The following RAPGEFL1 variants were observed in gnomAD, a reference collection of about 807,000 sequenced individuals.
The protein encoded by RAPGEFL1 is rap guanine nucleotide exchange factor-like 1.
In RAPGEFL1, 31 loss-of-function variants were observed where a neutral mutation model predicts 64.4. That is an observed-to-expected ratio of 0.48 (90% CI 0.36 to 0.65). The LOEUF is 0.65. Among genes scored for constraint, RAPGEFL1 ranks in the 30% least tolerant of loss-of-function variants. The pLI is 0.00. For missense variants in RAPGEFL1, 682 were observed against 677.4 expected, an observed-to-expected ratio of 1.01 and a Z score of -0.08; for synonymous variants, 331 against 274.1, an observed-to-expected ratio of 1.21 and a Z score of -2.05.
At chr17:40,192,345 T>A (rs1990304980) in intron 11 of RAPGEFL1, 82 bp downstream of exon 11, 4 of 1,476,566 alleles carry the variant, frequency 2.7e-6, no homozygotes, top group Non-Finnish European at 3.8e-6. Flanking sequence ...TTCCTCAAGC[T>A]TTCCTTTCAA....
In RAPGEFL1 at chr17:40,191,165, G is replaced by A; in HGVS notation, c.1336-151G>A. 1.4e-6 allele frequency: 1 copy of A among 699,842 alleles called. No homozygotes were observed. Among genetic ancestry groups the A allele is most frequent in the Non-Finnish European group, 2.3e-6 (1 of 438,346 alleles). The allele number at this position is 699,842 out of a possible 1,614,324, so 43.4% of individuals were successfully genotyped here. A position where few individuals can be genotyped will look rare whatever the true frequency, so the allele number is the denominator to read the frequency against. On this transcript the variant is annotated intron_variant, in intron 8 of 14. Transcript: ENST00000620260. This position sits in a 1 kb window ranked among gnomAD's most constrained non-coding sequence, Gnocchi z 5.1. ...GGTTGTTTTCTTTTTCCGCATCTTT[G>A]CCGCCTCCTGTCCTTTCTATTTTTC... is the stretch of plus-strand genomic sequence containing the variant.
chr17:40,184,908 T>C (rs1990016089), intron 4 of RAPGEFL1, among the ~76,000 whole-genome samples: 1 of 152,050 alleles, frequency 6.6e-6, no homozygotes, highest in Non-Finnish European at 1.5e-5. Context: ...GCCTCCTGAG[T>C]AGCTGGGATT....
chr17:40,186,965 A>G (rs577392575), intron 4 of RAPGEFL1, among the ~76,000 whole-genome samples: 1 of 151,444 alleles, frequency 6.6e-6, no homozygotes, highest in Non-Finnish European at 1.5e-5. Context: ...TTGATTATAA[A>G]TTTTATGTAT....
At chr17:40,188,701 T>C (rs1020714742) in intron 4 of RAPGEFL1, 165 bp from the exon 5 acceptor site, 1 of 628,300 alleles carries the variant, frequency 1.6e-6, no homozygotes, top group African/African-American at 1.8e-5. Flanking sequence ...TGGATAATTA[T>C]CCCATACTGC....
chr17:40,178,627 A>C lies in RAPGEFL1; in HGVS notation c.520+246A>C, dbSNP rs565292642. On this transcript the variant is annotated intron_variant, in intron 1 of 14. Transcript: ENST00000620260. Reference sequence around the variant, plus strand: ...GCAGCTGAGCCTCTTACTCTCCTTCAGCCACCCTTCCTTTCCCCTGGGCAT... The same window carrying C: ...GCAGCTGAGCCTCTTACTCTCCTTCCGCCACCCTTCCTTTCCCCTGGGCAT... 3.3e-5 allele frequency among the ~76,000 whole-genome samples: 5 copies of C among 152,312 alleles called. No homozygotes were observed. In the South Asian group the frequency reaches 1.0e-3, roughly 32 times the overall value.
chr17:40,184,700 G>T, intron 4 of RAPGEFL1, 22 bp downstream of exon 4: 2 of 1,455,762 alleles, frequency 1.4e-6, no homozygotes, highest in South Asian at 1.2e-5. Context: ...TGGGGCAGGG[G>T]CGGGAACAGG....
At position 40,178,203 on chromosome 17, in the gene RAPGEFL1, C is replaced by A; in HGVS notation, c.342C>A (p.Leu114=). The change falls in exon 1 of 15, where the codon CTC becomes CTA. Residue 114 remains leucine, a synonymous_variant. Coordinates refer to ENST00000620260, the MANE Select transcript of RAPGEFL1 (RefSeq NM_016339.6). ...AGGAGGTGCCGGGGCCCGGGCCTCT[C>A]GGGGGAGGGGGGCCCCTGCGCTCCC... is the stretch of plus-strand genomic sequence containing the variant. The part of the protein sequence containing the change: ...QLEEVPGPGP[L]GGGGPLRSPS... The A allele has an allele frequency of 3.7e-6, 2 of 545,914 alleles. No homozygotes were observed. The highest frequency in any genetic ancestry group is 2.1e-5 in the South Asian group (1 of 48,038). The allele number at this position is 545,914 out of a possible 1,614,324, so 33.8% of individuals were successfully genotyped here.
intron 2 of RAPGEFL1, among the ~76,000 whole-genome samples, chr17:40,183,283 T>G (rs1394876197): frequency 1.3e-5 from 2 of 152,190 alleles, no homozygotes; most frequent in Non-Finnish European, 2.9e-5. Context: ...GGCCCTGGGC[T>G]GGTCAGAGGT....
chr17:40,178,511 T>C (rs947603822), intron 1 of RAPGEFL1, 130 bp downstream of exon 1: 2 of 415,606 alleles, frequency 4.8e-6, no homozygotes, highest in African/African-American at 4.1e-5. Context: ...GGAAGCCGGC[T>C]AGGGGCCTAG....
chr17:40,188,730 A>AC, intron 4 of RAPGEFL1, 136 bp from the exon 5 acceptor site: 2 of 684,634 alleles, frequency 2.9e-6, no homozygotes, highest in Non-Finnish European at 5.3e-6. Flanking sequence ...CTCTCTTCTG[A>AC]CCCCCTTAAC....
rs544873836 is a variant in RAPGEFL1 at position 40,191,746 on chromosome 17, G to A, written c.1605+74G>A. The A allele has an allele frequency of 2.9e-5, 42 of 1,448,154 alleles. No individual in the cohort carries two copies. Among genetic ancestry groups the A allele is most frequent in the Admixed American group, 3.9e-5 (2 of 50,994 alleles). The allele number at this position is 1,448,154 out of a possible 1,614,324, so 89.7% of individuals were successfully genotyped here. ...TCCCCGAAGTGCGTCCTCCCGGGAC[G>A]GCCGCCGGCCTGGAGGGAGTCTTTG... On this transcript the variant is annotated intron_variant, in intron 10 of 14. Transcript: ENST00000620260. The surrounding 1 kb of genome is among the most constrained non-coding windows in gnomAD (Gnocchi z 5.1).
chr17:40,187,679 C>T (rs1249775244), intron 4 of RAPGEFL1, among the ~76,000 whole-genome samples: 8 of 151,100 alleles, frequency 5.3e-5, no homozygotes, highest in South Asian at 2.1e-4. Flanking sequence ...GGTGTGATCT[C>T]GGCTCACTGC....
In RAPGEFL1 at chr17:40,177,495, C is replaced by T. The variant is rs1989744434; in HGVS notation, c.-367C>T. 5 of 606,592 alleles carry T rather than the reference C, an allele frequency of 8.2e-6. No individual in the cohort carries two copies. The highest frequency in any genetic ancestry group is 2.8e-5 in the Admixed American group (1 of 35,726). 37.6% of individuals were successfully genotyped at this position (606,592 alleles called of 1,614,324 possible). A position where few individuals can be genotyped will look rare whatever the true frequency, so the allele number is the denominator to read the frequency against. On this transcript the variant is annotated 5_prime_UTR_variant, in exon 1 of 15. Coordinates refer to ENST00000620260, the MANE Select transcript of RAPGEFL1 (RefSeq NM_016339.6). ...CCTTCCCCCTCTTCACGGCCAGGAG[C>T]GCAGCCGCCGCCGCCGCCGCCGCCG...
intron 4 of RAPGEFL1, among the ~76,000 whole-genome samples, chr17:40,187,573 C>T (rs1410145665): frequency 3.9e-5 from 6 of 152,008 alleles, no homozygotes; most frequent in Non-Finnish European, 7.4e-5. Context: ...TTCCCATGGT[C>T]GGTTATATTG....
intron 2 of RAPGEFL1, among the ~76,000 whole-genome samples, chr17:40,182,791 C>T (rs1989932741): frequency 6.6e-6 from 1 of 152,174 alleles, no homozygotes; most frequent in Non-Finnish European, 1.5e-5. Context: ...CTCATGTAAG[C>T]ATGGGCCTCT....
chr17:40,194,942 C>T lies in RAPGEFL1; in HGVS notation c.*1154C>T, dbSNP rs1237464236. On this transcript the variant is annotated 3_prime_UTR_variant, in exon 15 of 15. Transcript: ENST00000620260. ...TGGCAAGGCCTTTATTACCTTTACT[C>T]CCCTCCCTCTCCCATCACCAGCCTC... 2 of 152,638 alleles carry T rather than the reference C, an allele frequency of 1.3e-5. No individual in the cohort carries two copies. Among genetic ancestry groups the T allele is most frequent in the Non-Finnish European group, 2.9e-5 (2 of 68,050 alleles). 9.5% of individuals were successfully genotyped at this position (152,638 alleles called of 1,614,324 possible).
At chr17:40,181,451 C>A in intron 1 of RAPGEFL1, 165 bp from the exon 2 acceptor site, 2 of 630,364 alleles carry the variant, frequency 3.2e-6, no homozygotes, top group East Asian at 3.1e-5. Flanking sequence ...AGAACCTTTA[C>A]ACATGTATGT....
At position 40,194,348 on chromosome 17, in the gene RAPGEFL1, G is replaced by A. The variant is rs564406713; in HGVS notation, c.*560G>A. 10 of 158,704 alleles carry A rather than the reference G, an allele frequency of 6.3e-5. No individual in the cohort carries two copies. In the South Asian group the frequency reaches 1.3e-3, roughly 21 times the overall value. 9.8% of individuals were successfully genotyped at this position (158,704 alleles called of 1,614,324 possible). On this transcript the variant is annotated 3_prime_UTR_variant, in exon 15 of 15. Transcript: ENST00000620260. ...TTGAGGGTGGATGTTGTGTGTGCTG[G>A]GGAGGGGTCCTTCTGTTTGGTGCTA... is the stretch of plus-strand genomic sequence containing the variant.
chr17:40,177,803 G>A lies in RAPGEFL1; in HGVS notation c.-59G>A, dbSNP rs1989758680. 2.5e-6 allele frequency: 1 copy of A among 407,136 alleles called. No homozygotes were observed. The allele number at this position is 407,136 out of a possible 1,614,324, so 25.2% of individuals were successfully genotyped here. A position where few individuals can be genotyped will look rare whatever the true frequency, so the allele number is the denominator to read the frequency against. On this transcript the variant is annotated 5_prime_UTR_variant, in exon 1 of 15. Transcript: ENST00000620260. ...GCATCGTGTCTTCGCCGCCCCCCCCGCCCGCGCCTGGGATACCTGGGTCCC... is the reference window on the plus strand; with the variant it reads ...GCATCGTGTCTTCGCCGCCCCCCCCACCCGCGCCTGGGATACCTGGGTCCC...
Sources: allele counts gnomAD v4.1 joint callset (sites outside exome capture counted in the v4.1 genomes callset), GRCh38; gene constraint gnomAD v4.1.1; non-coding constraint Gnocchi (gnomAD v3.1); transcripts MANE v1.5; gene names NCBI Gene and HGNC (gene_info 2026-07-23, HGNC 2026-07-21).